Variants in FADS2 observed in about 807,000 individuals in gnomAD.
FADS2 encodes the protein acyl-CoA 6-desaturase.
In FADS2, 18 loss-of-function variants were observed where a neutral mutation model predicts 61.2. That is an observed-to-expected ratio of 0.29 (90% CI 0.20 to 0.44). FADS2 has a LOEUF of 0.44. Among genes scored for constraint, FADS2 ranks in the 20% least tolerant of loss-of-function variants. The probability of loss-of-function intolerance (pLI) is 1.00; values close to 1 mark genes in which losing one functional copy is unlikely to be tolerated. For missense variants in FADS2, 322 were observed against 572.7 expected (o/e 0.56, Z 4.47); for synonymous variants, 203 against 223.9 (o/e 0.91, Z 0.83).
rs1281187319 is a variant in FADS2 at position 61,838,438 on chromosome 11, G to A, written c.318+550G>A. On this transcript the variant is annotated intron_variant, in intron 2 of 11. Transcript: ENST00000278840. Reference sequence around the variant, plus strand: ...CGTTTATAGAAGAAAGTTGGGACAGGAGGCAGGGGCAGGGCAGGACGGGGA... The same window carrying A: ...CGTTTATAGAAGAAAGTTGGGACAGAAGGCAGGGGCAGGGCAGGACGGGGA... 2.0e-5 allele frequency among the ~76,000 whole-genome samples: 3 copies of A among 152,190 alleles called. No homozygotes were observed. The East Asian group carries it at 5.8e-4, about 29-fold the overall frequency.
chr11:61,828,370 G>A lies in FADS2; in HGVS notation c.-21G>A, dbSNP rs1329286614. On this transcript the variant is annotated 5_prime_UTR_variant, in exon 1 of 12. Transcript: ENST00000278840. The surrounding 1 kb of genome is among the most constrained non-coding windows in gnomAD (Gnocchi z 6.4). ...GCGCGGGGAGGCCGCAGTGCACGGGGCGTCACAGTCGGCAGGCAGCATGGG... is the reference window on the plus strand; with the variant it reads ...GCGCGGGGAGGCCGCAGTGCACGGGACGTCACAGTCGGCAGGCAGCATGGG... 1.3e-6 allele frequency: 2 copies of A among 1,551,192 alleles called. No individual in the cohort carries two copies. Among genetic ancestry groups the A allele is most frequent in the Non-Finnish European group, 1.7e-6 (2 of 1,148,202 alleles).
At chr11:61,839,923 C>T (rs1165079982) in intron 2 of FADS2, among the ~76,000 whole-genome samples, 1 of 152,226 alleles carries the variant, frequency 6.6e-6, no homozygotes, top group Non-Finnish European at 1.5e-5. Context: ...CACATTGTAG[C>T]ATGTGTCAGA....
chr11:61,824,392 AAAAGAG>A (rs2067053643), upstream of FADS2, among the ~76,000 whole-genome samples: 1 of 98,768 alleles, frequency 1.0e-5, no homozygotes, highest in African/African-American at 3.7e-5. Flanking sequence ...GGGGGAAAAA[AAAAGAG>A]AGAGAGAGAG....
At position 61,816,646 on chromosome 11, in the gene FADS2, ATCACTAGCCACCGC is replaced by A. The variant is rs1157117816; in HGVS notation, c.141+223_141+236del. On this transcript the variant is annotated intron_variant, in intron 1 of 11. Transcript: ENST00000257261. This position sits in a 1 kb window ranked among gnomAD's most constrained non-coding sequence, Gnocchi z 7.0. ...GCTGATGTTGTACACCTTACGGTCGATCACTAGCCACCGCTCCTCGCACCCTGAGCGCTGGGCCA... is the reference window on the plus strand; with the variant it reads ...GCTGATGTTGTACACCTTACGGTCGATCCTCGCACCCTGAGCGCTGGGCCA... 1 of 1,603,210 alleles carries A rather than the reference ATCACTAGCCACCGC, an allele frequency of 6.2e-7. No individual in the cohort carries two copies. Among genetic ancestry groups the A allele is most frequent in the African/African-American group, 1.3e-5 (1 of 74,770 alleles).
At chr11:61,856,173 G>A (rs2067357151) in intron 5 of FADS2, 1 of 152,248 alleles carries the variant, frequency 6.6e-6, no homozygotes, top group Non-Finnish European at 1.5e-5. Flanking sequence ...CTGGTCCCTA[G>A]GGGCTGGACC....
At chr11:61,838,239 G>A (rs2067190909) in intron 2 of FADS2, among the ~76,000 whole-genome samples, 1 of 152,108 alleles carries the variant, frequency 6.6e-6, no homozygotes, top group Non-Finnish European at 1.5e-5. Context: ...TGTGGTCCGG[G>A]GCACCTCTTT....
Position 61,816,290 on chromosome 11 carries a change from A to T in FADS2, c.5A>T (p.His2Leu). Residue 2 changes from histidine to leucine, a missense_variant, in exon 1 of 12, where the codon CAC becomes CTC. Coordinates refer to the FADS2 transcript ENST00000257261. The surrounding 1 kb of genome is among the most constrained non-coding windows in gnomAD (Gnocchi z 7.0). The stretch of plus-strand genomic sequence containing the variant: ...AGGCTCGGGGCTGCAGATGGAATGC[A>T]CGGCAGGGAGGCGGGACCCTTTGTT... The T allele has an allele frequency of 6.3e-7, 1 of 1,598,288 alleles. No homozygotes were observed. The highest frequency in any genetic ancestry group is 8.5e-7 in the Non-Finnish European group (1 of 1,179,778).
chr11:61,848,267 G>A lies in FADS2; in HGVS notation c.727G>A (p.Glu243Lys), dbSNP rs553426992. 5.6e-6 allele frequency: 9 copies of A among 1,614,198 alleles called. No individual in the cohort carries two copies. In the South Asian group the frequency reaches 6.6e-5, roughly 12 times the overall value. ...CATGCTGCACGTGTTTGTTCTGGGC[G>A]AATGGCAGCCCATCGAGGTACGACT... Reference protein sequence around the residue: ...VNMLHVFVLGEWQPIEYGKKK... With the variant: ...VNMLHVFVLGKWQPIEYGKKK... Residue 243 changes from glutamate (E) to lysine (K), a missense_variant, in exon 5 of 12, where the codon GAA (glutamate) becomes AAA (lysine). Glu to Lys is a moderately conservative substitution (Grantham distance 56, BLOSUM62 1). Coordinates refer to ENST00000278840, the MANE Select transcript of FADS2 (RefSeq NM_004265.4).
In FADS2 at chr11:61,819,121, G is replaced by A. The variant is rs937438763; in HGVS notation, c.141+2695G>A. On this transcript the variant is annotated intron_variant, in intron 1 of 11. Coordinates refer to the FADS2 transcript ENST00000257261. ...GATCTCCTGACCTCGTGATCTGCCC[G>A]CCTCGGCCTCCCAAAGTGCTGGGAT... Among the ~76,000 whole-genome samples, 11 of 152,028 alleles carry A rather than the reference G, an allele frequency of 7.2e-5. 1 individual carries two copies. The highest frequency in any genetic ancestry group is 2.2e-4 in the African/African-American group (9 of 41,378).
intron 4 of FADS2, among the ~76,000 whole-genome samples, chr11:61,846,131 C>CTTTTT (rs550169322): frequency 2.1e-4 from 27 of 130,430 alleles, no homozygotes; most frequent in East Asian, 7.0e-4. Flanking sequence ...TCTTTCTTTT[C>CTTTTT]TTTTTTTTTT....
At chr11:61,839,505 T>C (rs2067201303) in intron 2 of FADS2, among the ~76,000 whole-genome samples, 1 of 152,006 alleles carries the variant, frequency 6.6e-6, no homozygotes, top group Non-Finnish European at 1.5e-5. Context: ...GTATTTTTAG[T>C]AGAGATGGAG....
At chr11:61,847,923 C>T (rs569204222) in intron 4 of FADS2, 7 of 493,094 alleles carry the variant, frequency 1.4e-5, no homozygotes, top group South Asian at 1.3e-4. Flanking sequence ...CTGCCACCAT[C>T]GTCTTATGAT....
At position 61,839,911 on chromosome 11, in the gene FADS2, C is replaced by A. The variant is rs151027980; in HGVS notation, c.319-423C>A. On this transcript the variant is annotated intron_variant, in intron 2 of 11. Coordinates refer to ENST00000278840, the MANE Select transcript of FADS2 (RefSeq NM_004265.4). The stretch of plus-strand genomic sequence containing the variant: ...CTTAGCATGATGTCTTCAAAGTTCA[C>A]TCACATTGTAGCATGTGTCAGAATT... Among the ~76,000 whole-genome samples, 664 of 152,378 alleles carry A rather than the reference C, an allele frequency of 4.4e-3. 5 individuals carry two copies. The highest frequency in any genetic ancestry group is 0.015 in the African/African-American group (630 of 41,592).
intron 5 of FADS2, 33 bp from the exon 6 acceptor site, chr11:61,856,978 A>G: frequency 6.3e-7 from 1 of 1,587,258 alleles, no homozygotes; most frequent in African/African-American, 1.3e-5. Context: ...AGCTGAGGCT[A>G]CTGGGTGCTC....
At chr11:61,849,408 T>C (rs756671319) in intron 5 of FADS2, among the ~76,000 whole-genome samples, 1 of 152,120 alleles carries the variant, frequency 6.6e-6, no homozygotes, top group Non-Finnish European at 1.5e-5. Context: ...AGCAAGACCC[T>C]GTCTCTAAAA....
At chr11:61,843,192 G>A (rs533648731) in intron 4 of FADS2, among the ~76,000 whole-genome samples, 3 of 152,344 alleles carry the variant, frequency 2.0e-5, no homozygotes, top group African/African-American at 4.8e-5. Flanking sequence ...CGCTTTGGGA[G>A]GTCAAGGCAG....
chr11:61,824,835 C>T (rs1474128129), upstream of FADS2, among the ~76,000 whole-genome samples: 1 of 152,134 alleles, frequency 6.6e-6, no homozygotes, highest in East Asian at 1.9e-4. Flanking sequence ...TTTCTGCTAG[C>T]GTAGCTTAGC....
At chr11:61,861,816 C>G (rs983463414) in intron 7 of FADS2, among the ~76,000 whole-genome samples, 16 of 152,254 alleles carry the variant, frequency 1.1e-4, no homozygotes, top group African/African-American at 3.9e-4. Flanking sequence ...ACCGTTGCCT[C>G]TGACAGTTCT....
intron 5 of FADS2, among the ~76,000 whole-genome samples, chr11:61,850,331 A>C (rs1490814778): frequency 6.6e-6 from 1 of 151,892 alleles, no homozygotes; most frequent in Non-Finnish European, 1.5e-5. Flanking sequence ...GCTCACTGCA[A>C]CCTCCACCTC....
Sources: gnomAD v4.1 joint callset for allele counts (sites outside exome capture counted in the v4.1 genomes callset) on GRCh38, gnomAD v4.1.1 for gene constraint, Gnocchi (gnomAD v3.1) non-coding constraint, MANE v1.5 for transcripts, NCBI Gene and HGNC (gene_info 2026-07-23, HGNC 2026-07-21) for gene names.